Variants in PIK3C2A observed in about 807,000 individuals in gnomAD.
The protein encoded by PIK3C2A is phosphatidylinositol 4-phosphate 3-kinase C2 domain-containing subunit alpha.
A neutral mutation model predicts 204.5 loss-of-function variants in PIK3C2A; 97 were observed. The ratio of observed to expected loss-of-function variants is 0.47; its 90% CI spans 0.40 to 0.56. PIK3C2A has a LOEUF of 0.56. Ranked by LOEUF, PIK3C2A falls within the 20% of genes least tolerant of loss-of-function variation. The probability of loss-of-function intolerance (pLI) is 0.00; values close to 1 mark genes in which losing one functional copy is unlikely to be tolerated. For missense variants in PIK3C2A, 1,735 were observed against 1,969.2 expected, an observed-to-expected ratio of 0.88 and a Z score of 2.25; for synonymous variants, 653 against 664.4, an observed-to-expected ratio of 0.98 and a Z score of 0.26.
At position 17,145,688 on chromosome 11, in the gene PIK3C2A, CT is replaced by C; in HGVS notation, c.1683del (p.Glu562AsnfsTer13). 1 of 1,606,930 alleles carries C rather than the reference CT, an allele frequency of 6.2e-7. No individual in the cohort carries two copies. The highest frequency in any genetic ancestry group is 8.5e-7 in the Non-Finnish European group (1 of 1,174,364). On this transcript the variant is annotated frameshift_variant, in exon 8 of 33. Transcript: ENST00000691414. LOFTEE classifies it high-confidence loss of function. ...CTTACTTCAATTTGAAGAGCCAGTT[CT>C]ACTTGGTTGTGATAAGAATCTAAGA... ...EELLDSYHNQ[V>X]ELALQIENQH...
At chr11:17,126,494 T>C (rs940830979) in intron 13 of PIK3C2A, among the ~76,000 whole-genome samples, 4 of 152,194 alleles carry the variant, frequency 2.6e-5, no homozygotes, top group Admixed American at 6.5e-5. Context: ...TCATATAAGA[T>C]TGCATCTTCA....
At chr11:17,120,430 G>C (rs1488675159) in intron 15 of PIK3C2A, among the ~76,000 whole-genome samples, 1 of 151,752 alleles carries the variant, frequency 6.6e-6, no homozygotes, top group African/African-American at 2.4e-5. Flanking sequence ...GATCCTAATT[G>C]TTTTAAGCTT....
chr11:17,186,318 T>C (rs1340109565), intron 1 of PIK3C2A, among the ~76,000 whole-genome samples: 1 of 152,104 alleles, frequency 6.6e-6, no homozygotes, highest in Non-Finnish European at 1.5e-5. Context: ...CCATCTAGTA[T>C]ACTATATATT....
At chr11:17,123,193 T>C (rs543779235) in intron 13 of PIK3C2A, among the ~76,000 whole-genome samples, 1 of 152,288 alleles carries the variant, frequency 6.6e-6, no homozygotes, top group African/African-American at 2.4e-5. Flanking sequence ...ACAGAACTGC[T>C]TCCTGACTTT....
At position 17,088,823 on chromosome 11, in the gene PIK3C2A, G is replaced by A. The variant is rs1565231253; in HGVS notation, c.*915C>T. 6.6e-6 allele frequency: 1 copy of A among 152,190 alleles called. No individual in the cohort carries two copies. The highest frequency in any genetic ancestry group is 2.4e-5 in the African/African-American group (1 of 41,434). 9.4% of individuals were successfully genotyped at this position (152,190 alleles called of 1,614,324 possible). ...TTCACTTATTTACTGAGGGAGTGGA[G>A]TATAGATGTAGGGAGGTGAAATTAC... On this transcript the variant is annotated 3_prime_UTR_variant, in exon 33 of 33. Coordinates refer to ENST00000691414, the MANE Select transcript of PIK3C2A (RefSeq NM_002645.4).
intron 1 of PIK3C2A, among the ~76,000 whole-genome samples, chr11:17,175,557 A>C (rs1203760545): frequency 6.6e-6 from 1 of 152,184 alleles, no homozygotes; most frequent in East Asian, 1.9e-4. Flanking sequence ...TTCAATGCTA[A>C]TGTTCCCCTA....
rs1848191661 is a variant in PIK3C2A, at chr11:17,087,667, G to A, written c.*2071C>T. 6.6e-6 allele frequency: 1 copy of A among 152,216 alleles called. No homozygotes were observed. The highest frequency in any genetic ancestry group is 6.5e-5 in the Admixed American group (1 of 15,286). The allele number at this position is 152,216 out of a possible 1,614,324, so 9.4% of individuals were successfully genotyped here. On this transcript the variant is annotated 3_prime_UTR_variant, in exon 33 of 33. Transcript: ENST00000691414. ...TTTGTTTTTAAATTACAGTGGCTAA[G>A]TGATAACTGGTGGAATGGAATTCGG...
At chr11:17,184,737 C>T (rs1371616846) in intron 1 of PIK3C2A, among the ~76,000 whole-genome samples, 2 of 152,052 alleles carry the variant, frequency 1.3e-5, no homozygotes, top group Non-Finnish European at 2.9e-5. Context: ...AGCTTGAGAC[C>T]AGCCTGGGCA....
intron 2 of PIK3C2A, among the ~76,000 whole-genome samples, chr11:17,162,428 ATTGTGTT>A (rs1850807595): frequency 6.6e-6 from 1 of 152,152 alleles, no homozygotes; most frequent in Non-Finnish European, 1.5e-5. Context: ...GTCTCAAATA[ATTGTGTT>A]TACAACTGTT....
At chr11:17,161,995 A>C (rs1398405748) in intron 2 of PIK3C2A, among the ~76,000 whole-genome samples, 1 of 152,106 alleles carries the variant, frequency 6.6e-6, no homozygotes, top group Admixed American at 6.6e-5. Context: ...ACACAAACAA[A>C]ATGAAATCTT....
intron 15 of PIK3C2A, among the ~76,000 whole-genome samples, 160 bp downstream of exon 15, chr11:17,122,028 T>TAAAAAAAAAAA (rs376913282): frequency 7.4e-6 from 1 of 134,800 alleles, no homozygotes; most frequent in Non-Finnish European, 1.6e-5. Context: ...TGTAGATTAT[T>TAAAAAAAAAAA]AAAAAAAAAA....
chr11:17,160,011 T>C (rs1850722976), intron 2 of PIK3C2A, among the ~76,000 whole-genome samples: 1 of 152,234 alleles, frequency 6.6e-6, no homozygotes, highest in Non-Finnish European at 1.5e-5. Context: ...TTTATCCAGC[T>C]GACCAATTCA....
chr11:17,137,751 A>T (rs957664603), intron 8 of PIK3C2A, among the ~76,000 whole-genome samples: 6 of 152,098 alleles, frequency 3.9e-5, no homozygotes, highest in Admixed American at 6.6e-5. Flanking sequence ...ATTGTCTATC[A>T]GTTCCAAATC....
rs149159222 is a variant in PIK3C2A, at chr11:17,089,680, C to T, written c.*58G>A. The T allele has an allele frequency of 1.4e-4, 142 of 989,906 alleles. 2 individuals carry two copies. In the Middle Eastern group the frequency reaches 1.8e-3, roughly 12 times the overall value. The allele number at this position is 989,906 out of a possible 1,614,324, so 61.3% of individuals were successfully genotyped here. On this transcript the variant is annotated 3_prime_UTR_variant, in exon 33 of 33. Transcript: ENST00000691414. Reference sequence around the variant, plus strand: ...GTGTGTGTGTGTCTGTGTGTGTGTGCATGTATGCATGCACGTTTATAACTG... The same window carrying T: ...GTGTGTGTGTGTCTGTGTGTGTGTGTATGTATGCATGCACGTTTATAACTG...
At chr11:17,152,674 G>A (rs1293227597) in intron 3 of PIK3C2A, among the ~76,000 whole-genome samples, 4 of 151,916 alleles carry the variant, frequency 2.6e-5, no homozygotes, top group Admixed American at 6.6e-5. Context: ...CAAATAAAAG[G>A]CTTTGTCTAT....
At chr11:17,144,894 C>CAAA (rs35069519) in intron 8 of PIK3C2A, among the ~76,000 whole-genome samples, 2,447 of 77,908 alleles carry the variant, frequency 0.031, 524 homozygotes, top group East Asian at 0.075. Flanking sequence ...GACTCAGCCT[C>CAAA]AAAAAAAAAA....
At chr11:17,137,371 T>A (rs1340178809) in intron 8 of PIK3C2A, among the ~76,000 whole-genome samples, 1 of 152,012 alleles carries the variant, frequency 6.6e-6, no homozygotes, top group Non-Finnish European at 1.5e-5. Flanking sequence ...GCAAAAATCT[T>A]TCCAGTTTTG....
intron 8 of PIK3C2A, among the ~76,000 whole-genome samples, chr11:17,144,564 T>A (rs1000604052): frequency 2.0e-5 from 3 of 152,010 alleles, no homozygotes; most frequent in African/African-American, 7.3e-5. Context: ...TGGGGGTAAG[T>A]TAGGTCCGAA....
chr11:17,173,376 T>A (rs549843679), intron 1 of PIK3C2A, among the ~76,000 whole-genome samples: 1 of 152,340 alleles, frequency 6.6e-6, no homozygotes, highest in East Asian at 1.9e-4. Context: ...GAAAGAAAGC[T>A]TTTCTTTGAG....
Sources: allele counts gnomAD v4.1 joint callset (sites outside exome capture counted in the v4.1 genomes callset), GRCh38; gene constraint gnomAD v4.1.1; transcripts MANE v1.5; gene names NCBI Gene and HGNC (gene_info 2026-07-23, HGNC 2026-07-21).